COL1A1: variants seen among roughly 807,000 people sequenced by gnomAD.
The protein encoded by COL1A1 is collagen type I alpha 1 chain.
Under a neutral mutation model 195.7 loss-of-function variants are expected in COL1A1, and 21 were observed. The ratio of observed to expected loss-of-function variants is 0.11; its 90% CI spans 0.08 to 0.15. The LOEUF (loss-of-function observed/expected upper bound fraction) is 0.15. Among genes scored for constraint, COL1A1 ranks in the 10% least tolerant of loss-of-function variants. COL1A1 has a pLI of 1.00. For synonymous variants in COL1A1, 749 were observed against 747.3 expected, an observed-to-expected ratio of 1.00 and a Z score of -0.04; for missense variants, 1,365 against 2,051.0, an observed-to-expected ratio of 0.67 and a Z score of 6.46.
At chr17:50,191,664 T>A in intron 31 of COL1A1, 124 bp downstream of exon 31, 1 of 1,212,262 alleles carries the variant, frequency 8.2e-7, no homozygotes, top group Non-Finnish European at 1.2e-6. Flanking sequence ...CCTGCCCTGG[T>A]CTTTTCCCCC....
chr17:50,193,499 T>TTTA, intron 25 of COL1A1: 1 of 236,110 alleles, frequency 4.2e-6, no homozygotes, highest in Non-Finnish European at 8.3e-6. Flanking sequence ...TTTTTTTTTT[T>TTTA]GAGATGGAAT....
In COL1A1 at chr17:50,195,833, C is replaced by A; in HGVS notation, c.1056+90G>T. ...TGTTAGTGAACGGGCTGCTCTCTTG[C>A]CACTCTGGGTCCCTTTGGTTTGGGG... On this transcript the variant is annotated intron_variant, in intron 16 of 50. Transcript: ENST00000225964. This position sits in a 1 kb window ranked among gnomAD's most constrained non-coding sequence, Gnocchi z 4.3. The A allele has an allele frequency of 6.7e-7, 1 of 1,486,250 alleles. No homozygotes were observed. The highest frequency in any genetic ancestry group is 9.2e-7 in the Non-Finnish European group (1 of 1,087,770). The allele number at this position is 1,486,250 out of a possible 1,614,324, so 92.1% of individuals were successfully genotyped here.
In COL1A1 at chr17:50,187,078, G is replaced by C. The variant is rs149980662; in HGVS notation, c.3468C>G (p.Asn1156Lys). 1 of 1,613,318 alleles carries C rather than the reference G, an allele frequency of 6.2e-7. No homozygotes were observed. Among genetic ancestry groups the C allele is most frequent in the Admixed American group, 1.7e-5 (1 of 59,848 alleles). ...SAGAPGKDGL[N>K]GLPGPIGPPG... is the part of the protein sequence containing the mutation. ...GGGGCCCAATGGGGCCAGGGAGACC[G>C]TTGAGTCCATCTTTGCCAGGAGCAC... Residue 1156 changes from asparagine to lysine, a missense_variant, in exon 47 of 51, where the codon AAC becomes AAG. Coordinates refer to ENST00000225964, the MANE Select transcript of COL1A1 (RefSeq NM_000088.4).
Position 50,195,127 on chromosome 17 carries a change from T to G in COL1A1, c.1300-27A>C, listed in dbSNP as rs1000683455. On this transcript the variant is annotated intron_variant, in intron 19 of 50. Coordinates refer to ENST00000225964, the MANE Select transcript of COL1A1 (RefSeq NM_000088.4). The surrounding 1 kb of genome is among the most constrained non-coding windows in gnomAD (Gnocchi z 4.3). ...TGCAAGGGGGGAGAAGAGGATGAGCTGAGAGTCGGGGGCGCTCAGTTGGCC... is the reference window on the plus strand; with the variant it reads ...TGCAAGGGGGGAGAAGAGGATGAGCGGAGAGTCGGGGGCGCTCAGTTGGCC... 1 of 1,613,094 alleles carries G rather than the reference T, an allele frequency of 6.2e-7. No homozygotes were observed. The highest frequency in any genetic ancestry group is 1.3e-5 in the African/African-American group (1 of 74,832).
rs765588613 is a variant in COL1A1, at chr17:50,201,430, G to T, written c.84C>A (p.Val28=). 3.7e-6 allele frequency: 6 copies of T among 1,613,828 alleles called. No individual in the cohort carries two copies. The Admixed American group carries it at 8.3e-5, about 22-fold the overall frequency. Residue 28 remains valine (V), a synonymous_variant, in exon 1 of 51, where the codon GTC becomes GTA. Transcript: ENST00000225964. ...LLTHGQEEGQ[V]EGQDEDIPPI... is the part of the protein sequence containing the mutation. Reference sequence around the variant, plus strand: ...ACTTACTGTCTTCGTCTTGGCCCTCGACTTGGCCTTCCTCTTGGCCGTGCG... The same window carrying T: ...ACTTACTGTCTTCGTCTTGGCCCTCTACTTGGCCTTCCTCTTGGCCGTGCG...
Position 50,194,686 on chromosome 17 carries a change from G to C in COL1A1, c.1461+35C>G. ...CACACAGGCACCAGCCAGGCAATGA[G>C]GGTGGAGCGGGAGGGGGCGGGCAGG... On this transcript the variant is annotated intron_variant, in intron 21 of 50. Coordinates refer to ENST00000225964, the MANE Select transcript of COL1A1 (RefSeq NM_000088.4). The surrounding 1 kb of genome is among the most constrained non-coding windows in gnomAD (Gnocchi z 6.8). The C allele has an allele frequency of 6.4e-7, 1 of 1,558,838 alleles. No individual in the cohort carries two copies. The highest frequency in any genetic ancestry group is 8.7e-7 in the Non-Finnish European group (1 of 1,150,716).
chr17:50,194,008 G>A lies in COL1A1; in HGVS notation c.1702C>T (p.Pro568Ser). 6.2e-7 allele frequency: 1 copy of A among 1,614,134 alleles called. No homozygotes were observed. Among genetic ancestry groups the A allele is most frequent in the Non-Finnish European group, 8.5e-7 (1 of 1,180,026 alleles). ...PAGQDGRPGP[P>S]GPPGARGQAG... Reference sequence around the variant, plus strand: ...TGACCACGGGCACCAGGTGGGCCTGGGGGTCCGGGGCGACCATCTTGACCG... The same window carrying A: ...TGACCACGGGCACCAGGTGGGCCTGAGGGTCCGGGGCGACCATCTTGACCG... The change falls in exon 25 of 51, where the codon CCA becomes TCA. Residue 568 changes from proline to serine, a missense_variant. Pro to Ser is a moderately conservative substitution (Grantham distance 74). Coordinates refer to ENST00000225964, the MANE Select transcript of COL1A1 (RefSeq NM_000088.4). This position sits in a 1 kb window ranked among gnomAD's most constrained non-coding sequence, Gnocchi z 6.8.
In COL1A1 at chr17:50,199,203, A is replaced by G. The variant is rs948250270; in HGVS notation, c.471+23T>C. 5 of 1,437,072 alleles carry G rather than the reference A, an allele frequency of 3.5e-6. No individual in the cohort carries two copies. The African/African-American group carries it at 7.2e-5, about 21-fold the overall frequency. The allele number at this position is 1,437,072 out of a possible 1,614,324, so 89.0% of individuals were successfully genotyped here. A position where few individuals can be genotyped will look rare whatever the true frequency, so the allele number is the denominator to read the frequency against. ...ACAAAAACAAAACAGGGGAGAGTGG[A>G]CACACAAGGCCTCTCCACTTACTCC... On this transcript the variant is annotated intron_variant, in intron 5 of 50. Transcript: ENST00000225964.
At chr17:50,200,904 C>T (rs1382035880) in intron 1 of COL1A1, among the ~76,000 whole-genome samples, 1 of 152,208 alleles carries the variant, frequency 6.6e-6, no homozygotes, top group Non-Finnish European at 1.5e-5. Context: ...AGGACCCCGC[C>T]CCGCCGAGTC....
rs1906735376 is a variant in COL1A1, at chr17:50,188,302, A to G, written c.3208-153T>C. ...CTCCCAGGGAAACCTCCCCACTGCA[A>G]TCTTCACGGGAGCTGGGGCCAACTC... is the stretch of plus-strand genomic sequence containing the variant. On this transcript the variant is annotated intron_variant, in intron 43 of 50. Coordinates refer to ENST00000225964, the MANE Select transcript of COL1A1 (RefSeq NM_000088.4). The surrounding 1 kb of genome is among the most constrained non-coding windows in gnomAD (Gnocchi z 5.6). 6.7e-6 allele frequency: 6 copies of G among 889,624 alleles called. No individual in the cohort carries two copies. The highest frequency in any genetic ancestry group is 1.7e-5 in the South Asian group (1 of 57,258). The allele number at this position is 889,624 out of a possible 1,614,324, so 55.1% of individuals were successfully genotyped here. A position where few individuals can be genotyped will look rare whatever the true frequency, so the allele number is the denominator to read the frequency against.
chr17:50,193,343 G>A (rs1907265190), intron 25 of COL1A1: 1 of 516,932 alleles, frequency 1.9e-6, no homozygotes, highest in South Asian at 2.2e-5. Flanking sequence ...AATCCACCAA[G>A]ACTGGGGGTG....
rs779081896 is a variant in COL1A1, at chr17:50,194,846, G to C, written c.1354-18C>G. 8.9e-6 allele frequency: 14 copies of C among 1,570,332 alleles called. No homozygotes were observed. Among genetic ancestry groups the C allele is most frequent in the Middle Eastern group, 1.8e-4 (1 of 5,410 alleles). ...ACAGGGCCCTGGAGAGGGCCGAGAG[G>C]AGGAGGCGGCCTGTGGTGAGGGGCC... On this transcript the variant is annotated intron_variant, in intron 20 of 50. Transcript: ENST00000225964. The surrounding 1 kb of genome is among the most constrained non-coding windows in gnomAD (Gnocchi z 6.8).
In COL1A1 at chr17:50,197,199, C is replaced by G; in HGVS notation, c.731G>C (p.Arg244Pro). The G allele has an allele frequency of 6.2e-7, 1 of 1,613,548 alleles. No homozygotes were observed. The highest frequency in any genetic ancestry group is 1.1e-5 in the South Asian group (1 of 91,056). Residue 244 changes from arginine (R) to proline (P), a missense_variant, in exon 10 of 51, where the codon CGT (arginine) becomes CCT (proline). By Grantham distance (103) the Arg-to-Pro change is moderately radical (BLOSUM62 -2). This residue lies in a region of COL1A1 where 226 missense variants were observed against 372.9 expected (regional missense o/e 0.61). Coordinates refer to ENST00000225964, the MANE Select transcript of COL1A1 (RefSeq NM_000088.4). ...GCTCACCTGAGGCCCAGGAGGCCCA[C>G]GCTCACCAGGACGACCAGGTTTTCC... ...EAGKPGRPGE[R>P]GPPGPQGARG...
rs1226532359 is a variant in COL1A1 at position 50,194,263 on chromosome 17, T to C, written c.1615-80A>G. 4.4e-6 allele frequency: 7 copies of C among 1,594,036 alleles called. No individual in the cohort carries two copies. The highest frequency in any genetic ancestry group is 5.2e-6 in the Non-Finnish European group (6 of 1,163,058). On this transcript the variant is annotated intron_variant, in intron 23 of 50. Coordinates refer to ENST00000225964, the MANE Select transcript of COL1A1 (RefSeq NM_000088.4). The surrounding 1 kb of genome is among the most constrained non-coding windows in gnomAD (Gnocchi z 6.8). ...GGGAGGACTCCAGAGGGCAGACCCTTGGGCCTGATCCAGAACGCCTCATCC... is the reference window on the plus strand; with the variant it reads ...GGGAGGACTCCAGAGGGCAGACCCTCGGGCCTGATCCAGAACGCCTCATCC...
At position 50,184,789 on chromosome 17, in the gene COL1A1, C is replaced by T. The variant is rs529873413; in HGVS notation, c.*713G>A. 1.5e-4 allele frequency: 34 copies of T among 230,316 alleles called. No individual in the cohort carries two copies. The highest frequency in any genetic ancestry group is 6.7e-4 in the African/African-American group (30 of 44,756). 14.3% of individuals were successfully genotyped at this position (230,316 alleles called of 1,614,324 possible). A position where few individuals can be genotyped will look rare whatever the true frequency, so the allele number is the denominator to read the frequency against. On this transcript the variant is annotated 3_prime_UTR_variant, in exon 51 of 51. Transcript: ENST00000225964. ...CCCTGCGGCACAAGGGATTGACACG[C>T]GTTCCCCAAATCCGATGTTTCTGCT...
rs376928140 is a variant in COL1A1, at chr17:50,196,979, G to C, written c.804+31C>G. The C allele has an allele frequency of 1.0e-4, 165 of 1,612,304 alleles. No individual in the cohort carries two copies. In the African/African-American group the frequency reaches 1.8e-3, roughly 17 times the overall value. On this transcript the variant is annotated intron_variant, in intron 11 of 50. Coordinates refer to ENST00000225964, the MANE Select transcript of COL1A1 (RefSeq NM_000088.4). ...CTGGATGGGGGTATGCTAGGGACTT[G>C]GGGAGCTTAAATGACTCAAAGGTGA...
Position 50,185,412 on chromosome 17 carries a change from TGA to T in COL1A1, c.*88_*89del. 6.7e-7 allele frequency: 1 copy of T among 1,503,562 alleles called. No individual in the cohort carries two copies. The highest frequency in any genetic ancestry group is 9.2e-7 in the Non-Finnish European group (1 of 1,082,676). 93.1% of individuals were successfully genotyped at this position (1,503,562 alleles called of 1,614,324 possible). A position where few individuals can be genotyped will look rare whatever the true frequency, so the allele number is the denominator to read the frequency against. ...AAATTGTCTCCCATTTTTTGGCTTT[TGA>T]GGGGGTTCAGTTTGGGTTGCTTGTC... On this transcript the variant is annotated 3_prime_UTR_variant, in exon 51 of 51. Coordinates refer to ENST00000225964, the MANE Select transcript of COL1A1 (RefSeq NM_000088.4).
intron 5 of COL1A1, chr17:50,198,777 G>T: frequency 1.9e-6 from 1 of 513,614 alleles, no homozygotes; most frequent in Non-Finnish European, 3.5e-6. Flanking sequence ...TACATTTGTG[G>T]AAACTAGAGA....
chr17:50,192,583 C>T (rs1012447818), intron 28 of COL1A1, 55 bp from the exon 29 acceptor site: 1 of 1,613,910 alleles, frequency 6.2e-7, no homozygotes, highest in African/African-American at 1.3e-5. Flanking sequence ...CTGGAAGAGA[C>T]CAAAGAGGTG....
Sources: allele counts gnomAD v4.1 joint callset (sites outside exome capture counted in the v4.1 genomes callset), GRCh38; gene constraint gnomAD v4.1.1; regional missense constraint gnomAD v4.1.1; non-coding constraint Gnocchi (gnomAD v3.1); transcripts MANE v1.5; gene names NCBI Gene and HGNC (gene_info 2026-07-23, HGNC 2026-07-21).